The following GLI2 variants were observed in gnomAD, a reference collection of about 807,000 sequenced individuals.
GLI2 encodes the protein GLI family zinc finger 2, also known as transcription activator GLI2.
GLI2 carries 22 observed loss-of-function variants against 78.9 expected under a neutral mutation model. The observed-to-expected ratio is 0.28, with a 90% CI of 0.20 to 0.40. The LOEUF (loss-of-function observed/expected upper bound fraction) is 0.40, where lower values mean the gene tolerates loss of function less well. Among genes scored for constraint, GLI2 ranks in the 10% least tolerant of loss-of-function variants. The pLI is 1.00. For synonymous variants in GLI2, 974 were observed against 963.7 expected, an observed-to-expected ratio of 1.01 and a Z score of -0.20; for missense variants, 2,097 against 2,213.2, an observed-to-expected ratio of 0.95 and a Z score of 1.05.
At chr2:120,789,252 G>A (rs1005018502) in intron 1 of GLI2, among the ~76,000 whole-genome samples, 60 of 152,020 alleles carry the variant, frequency 3.9e-4, no homozygotes, top group Non-Finnish European at 5.4e-4. Flanking sequence ...TCAAGCTTCT[G>A]ACCTCAGGTG....
At chr2:120,767,213 G>T (rs1022473636) in intron 1 of GLI2, among the ~76,000 whole-genome samples, 2 of 152,200 alleles carry the variant, frequency 1.3e-5, no homozygotes. Flanking sequence ...TGCTGGGAGA[G>T]ACTAGGCCAG....
At chr2:120,906,018 G>A (rs1396985249) in intron 2 of GLI2, among the ~76,000 whole-genome samples, 3 of 152,230 alleles carry the variant, frequency 2.0e-5, no homozygotes, top group Admixed American at 6.5e-5. Context: ...GAGGGCCGGC[G>A]CTTCTCGCCA....
chr2:120,916,283 C>A (rs1049592158), intron 2 of GLI2, among the ~76,000 whole-genome samples: 1 of 152,240 alleles, frequency 6.6e-6, no homozygotes, highest in Non-Finnish European at 1.5e-5. Flanking sequence ...TGTTCCTCAT[C>A]CTGTATGTAT....
At chr2:120,867,460 G>A (rs953691213) in intron 2 of GLI2, 2 of 152,282 alleles carry the variant, frequency 1.3e-5, no homozygotes, top group African/African-American at 2.4e-5. Flanking sequence ...CTCCCTCGGC[G>A]GCCACTTGAT....
chr2:120,740,196 A>G (rs546469270), intron 1 of GLI2, among the ~76,000 whole-genome samples: 1 of 152,336 alleles, frequency 6.6e-6, no homozygotes, highest in South Asian at 2.1e-4. Flanking sequence ...ACCTGGGAAA[A>G]TGCACAGATG....
Position 120,986,468 on chromosome 2 carries a change from G to T in GLI2, c.2096G>T (p.Gly699Val), listed in dbSNP as rs774785340. The change falls in exon 13 of 14, where the codon GGC becomes GTC. Residue 699 changes from glycine to valine, a missense_variant. Physicochemically the swap from Gly to Val is moderately radical, Grantham distance 109. Coordinates refer to ENST00000361492, the MANE Select transcript of GLI2 (RefSeq NM_001374353.1). ...TSALAAPSAG[G>V]LQLRKHMTTM... ...GCCCTGGCTGCCCCCTCCGCTGGTG[G>T]CCTCCAGCTGCGCAAACACATGACC... 1.2e-6 allele frequency: 2 copies of T among 1,613,924 alleles called. No individual in the cohort carries two copies. Among genetic ancestry groups the T allele is most frequent in the East Asian group, 4.5e-5 (2 of 44,882 alleles).
At chr2:120,866,897 C>A (rs1265029849) in intron 2 of GLI2, 2 of 152,178 alleles carry the variant, frequency 1.3e-5, no homozygotes, top group African/African-American at 2.4e-5. Context: ...GGTTCAGATC[C>A]CCCCATGACC....
intron 2 of GLI2, among the ~76,000 whole-genome samples, chr2:120,814,940 A>G (rs1309407612): frequency 6.6e-6 from 1 of 151,962 alleles, no homozygotes; most frequent in African/African-American, 2.4e-5. Flanking sequence ...GGTCCTGGAG[A>G]TCCCCTGAGT....
Position 120,906,898 on chromosome 2 carries a change from G to A in GLI2, c.149-20463G>A, listed in dbSNP as rs536492456. Among the ~76,000 whole-genome samples the A allele has an allele frequency of 1.6e-4, 25 of 152,144 alleles. No homozygotes were observed. The East Asian group carries it at 4.1e-3, about 25-fold the overall frequency. On this transcript the variant is annotated intron_variant, in intron 2 of 13. Coordinates refer to ENST00000361492, the MANE Select transcript of GLI2 (RefSeq NM_001374353.1). ...ATGAGTGCACCCCTCCCTCCTTGCC[G>A]CCTCTGCCCTTCCCGCCCTGGTAGA...
At chr2:120,786,550 C>G (rs1296102508) in intron 1 of GLI2, among the ~76,000 whole-genome samples, 1 of 144,158 alleles carries the variant, frequency 6.9e-6, no homozygotes, top group Non-Finnish European at 1.5e-5. Flanking sequence ...AAGAGATAAA[C>G]ACTTTTTTAT....
chr2:120,777,074 C>CT (rs1377364902), intron 1 of GLI2, among the ~76,000 whole-genome samples: 1 of 152,132 alleles, frequency 6.6e-6, no homozygotes, highest in African/African-American at 2.4e-5. Flanking sequence ...GAGTGCATGG[C>CT]TTTTTGAGCA....
rs551592094 is a variant in GLI2 at position 120,930,719 on chromosome 2, G to A, written c.254+3253G>A. ...AGGGGTCTGTGTCTATGTGTGCCAC[G>A]CCTTGCAGGTAATGCAGTTGCAGGC... On this transcript the variant is annotated intron_variant, in intron 3 of 13. Coordinates refer to ENST00000361492, the MANE Select transcript of GLI2 (RefSeq NM_001374353.1). 5.3e-5 allele frequency among the ~76,000 whole-genome samples: 8 copies of A among 152,368 alleles called. No individual in the cohort carries two copies. The South Asian group carries it at 8.3e-4, about 16-fold the overall frequency.
intron 2 of GLI2, among the ~76,000 whole-genome samples, chr2:120,874,200 T>C (rs1462024796): frequency 1.3e-5 from 2 of 152,152 alleles, no homozygotes; most frequent in Non-Finnish European, 2.9e-5. Context: ...GCGGGCTCCG[T>C]GGGTCTGTGT....
intron 5 of GLI2, among the ~76,000 whole-genome samples, chr2:120,961,605 T>G (rs1222179516): frequency 6.6e-6 from 1 of 152,182 alleles, no homozygotes; most frequent in Non-Finnish European, 1.5e-5. Context: ...GCCTCGCTGC[T>G]CCACGGCCCA....
chr2:120,944,931 C>T lies in GLI2; in HGVS notation c.255-6312C>T, dbSNP rs575270153. 7.2e-5 allele frequency among the ~76,000 whole-genome samples: 11 copies of T among 152,388 alleles called. No homozygotes were observed. In the South Asian group the frequency reaches 2.3e-3, roughly 32 times the overall value. On this transcript the variant is annotated intron_variant, in intron 3 of 13. Transcript: ENST00000361492. ...TAACACAGCAGCCATGCAGTGACAC[C>T]TCAGTTTACTTTATCCATTCTCCCT... is the stretch of plus-strand genomic sequence containing the variant.
intron 2 of GLI2, among the ~76,000 whole-genome samples, chr2:120,818,686 C>A (rs1558813870): frequency 1.3e-5 from 2 of 152,220 alleles, no homozygotes; most frequent in African/African-American, 4.8e-5. Context: ...CTCCAGTCCC[C>A]CAGTGTCTCC....
At chr2:120,973,733 A>G (rs1682310619) in intron 8 of GLI2, among the ~76,000 whole-genome samples, 1 of 152,198 alleles carries the variant, frequency 6.6e-6, no homozygotes, top group South Asian at 2.1e-4. Flanking sequence ...CTATTGTACG[A>G]CATGTTGTTG....
chr2:120,829,609 C>T (rs1367730536), intron 2 of GLI2, among the ~76,000 whole-genome samples: 1 of 152,216 alleles, frequency 6.6e-6, no homozygotes, highest in South Asian at 2.1e-4. Context: ...AGGAGGTTCT[C>T]ATCTGAGTTG....
intron 2 of GLI2, among the ~76,000 whole-genome samples, chr2:120,812,706 C>A (rs1685312348): frequency 6.6e-6 from 1 of 152,148 alleles, no homozygotes; most frequent in African/African-American, 2.4e-5. Context: ...TGCCGGGGAG[C>A]CCCTTTCTCC....
Sources: gnomAD v4.1 joint callset for allele counts (sites outside exome capture counted in the v4.1 genomes callset) on GRCh38, gnomAD v4.1.1 for gene constraint, MANE v1.5 for transcripts, NCBI Gene and HGNC (gene_info 2026-07-23, HGNC 2026-07-21) for gene names.